Variants in ZNF536 observed in about 807,000 individuals in gnomAD.
ZNF536 encodes zinc finger protein 536.
In ZNF536, 13 loss-of-function variants were observed where a neutral mutation model predicts 84.5. That is an observed-to-expected ratio of 0.15 (90% confidence interval 0.10 to 0.24). The LOEUF (loss-of-function observed/expected upper bound fraction) is 0.24. Ranked by LOEUF, ZNF536 falls within the 10% of genes least tolerant of loss-of-function variation. ZNF536 has a pLI of 1.00. For synonymous variants in ZNF536, 811 were observed against 742.5 expected (o/e 1.09, Z -1.50); for missense variants, 1,536 against 1,747.5 (o/e 0.88, Z 2.16).
chr19:30,350,685 G>T (rs2047903976), intron 2 of ZNF536, among the ~76,000 whole-genome samples: 2 of 152,218 alleles, frequency 1.3e-5, no homozygotes, highest in Non-Finnish European at 2.9e-5. Context: ...GTGGCAGGAG[G>T]AGAGGGTGGA....
intron 1 of ZNF536, among the ~76,000 whole-genome samples, chr19:30,687,419 C>T (rs964415611): frequency 5.3e-5 from 8 of 152,128 alleles, no homozygotes; most frequent in African/African-American, 1.2e-4. Context: ...CTGCTGCCCA[C>T]GTCCGACACA....
intron 1 of ZNF536, among the ~76,000 whole-genome samples, chr19:30,280,296 T>C (rs915153435): frequency 9.9e-5 from 15 of 151,864 alleles, no homozygotes; most frequent in African/African-American, 3.6e-4. Context: ...GCATCCATCT[T>C]CATCCTTCTC....
chr19:30,313,985 C>T (rs2146134725), intron 2 of ZNF536, among the ~76,000 whole-genome samples: 1 of 152,362 alleles, frequency 6.6e-6, no homozygotes, highest in African/African-American at 2.4e-5. Context: ...TGCTGCCTCC[C>T]ATGGCAACTA....
chr19:30,426,325 G>A (rs1004080619), intron 1 of ZNF536, among the ~76,000 whole-genome samples: 2 of 152,104 alleles, frequency 1.3e-5, no homozygotes, highest in African/African-American at 4.8e-5. Flanking sequence ...TCATGGTGGG[G>A]GGATGTCATG....
rs866800290 is a variant in ZNF536, at chr19:30,228,734, G to A, written c.-190+61G>A. On this transcript the variant is annotated intron_variant, in intron 1 of 5. Coordinates refer to the ZNF536 transcript ENST00000585628. This position sits in a 1 kb window ranked among gnomAD's most constrained non-coding sequence, Gnocchi z 4.5. ...GTGAGCGCGCAAAGCCGGGAGCGAGGTGCCGCGAGCTGCGCGCCGCCCCGG... is the reference window on the plus strand; with the variant it reads ...GTGAGCGCGCAAAGCCGGGAGCGAGATGCCGCGAGCTGCGCGCCGCCCCGG... 2.0e-5 allele frequency: 3 copies of A among 151,182 alleles called. No homozygotes were observed. The highest frequency in any genetic ancestry group is 6.6e-5 in the Admixed American group (1 of 15,158). The allele number at this position is 151,182 out of a possible 1,614,324, so 9.4% of individuals were successfully genotyped here.
intron 1 of ZNF536, among the ~76,000 whole-genome samples, chr19:30,563,576 C>A (rs571258965): frequency 1.3e-5 from 2 of 152,188 alleles, no homozygotes; most frequent in African/African-American, 2.4e-5. Context: ...GTTCTTGAAG[C>A]CTTTGAGGTA....
chr19:30,338,326 A>G (rs2047451188), intron 2 of ZNF536, among the ~76,000 whole-genome samples: 1 of 151,438 alleles, frequency 6.6e-6, no homozygotes, highest in African/African-American at 2.4e-5. Context: ...GATGATGATG[A>G]TGACAATGTT....
rs1275721533 is a variant in ZNF536, at chr19:30,439,516, C to T, written c.-2-4045C>T. ...GAGACAGCACACCAATTACCCCATA[C>T]TCTTTCCAGGAACTCGTGCTTCCCT... On this transcript the variant is annotated intron_variant, in intron 1 of 4. Transcript: ENST00000355537. Among the ~76,000 whole-genome samples, 4 of 152,230 alleles carry T rather than the reference C, an allele frequency of 2.6e-5. No individual in the cohort carries two copies. In the East Asian group the frequency reaches 7.7e-4, roughly 29 times the overall value.
At chr19:30,312,491 C>T (rs2146111279) in intron 2 of ZNF536, among the ~76,000 whole-genome samples, 1 of 152,300 alleles carries the variant, frequency 6.6e-6, no homozygotes, top group Non-Finnish European at 1.5e-5. Context: ...TCCTTGCGAT[C>T]TTTTTTCTAG....
rs193208445 is a variant in ZNF536, at chr19:30,609,683, C to T, written c.169+60169C>T. 4.6e-5 allele frequency among the ~76,000 whole-genome samples: 7 copies of T among 152,280 alleles called. No individual in the cohort carries two copies. The East Asian group carries it at 7.7e-4, about 17-fold the overall frequency. ...TCAAATGTACACTATCAAACAACTC[C>T]GTGCTTCAAGACATTTGTTTATTCA... On this transcript the variant is annotated intron_variant, in intron 1 of 1. Transcript: ENST00000592773.
chr19:30,622,411 C>T (rs922339806), intron 1 of ZNF536, among the ~76,000 whole-genome samples: 2 of 152,208 alleles, frequency 1.3e-5, no homozygotes, highest in Admixed American at 6.5e-5. Context: ...ATCATGTCCC[C>T]CCAGGGGCAT....
At chr19:30,692,036 G>A (rs1052458494) in intron 1 of ZNF536, among the ~76,000 whole-genome samples, 4 of 152,258 alleles carry the variant, frequency 2.6e-5, no homozygotes, top group Non-Finnish European at 5.9e-5. Context: ...CCCCCTCTCG[G>A]ATCCCAGGCT....
intron 3 of ZNF536, among the ~76,000 whole-genome samples, chr19:30,360,744 A>G (rs2048247760): frequency 1.3e-5 from 2 of 152,226 alleles, no homozygotes; most frequent in Admixed American, 1.3e-4. Flanking sequence ...CCCGCCTTGC[A>G]CTGGGCATTT....
chr19:30,568,970 G>C (rs1435716616), intron 1 of ZNF536, among the ~76,000 whole-genome samples: 1 of 152,144 alleles, frequency 6.6e-6, no homozygotes, highest in Non-Finnish European at 1.5e-5. Flanking sequence ...CTAGAACCAG[G>C]ATGGTCTTGC....
rs28461659 is a variant in ZNF536, at chr19:30,622,939, C to T, written c.169+73425C>T. 7.6e-3 allele frequency among the ~76,000 whole-genome samples: 1,156 copies of T among 151,942 alleles called. 17 individuals are homozygous for T. Among genetic ancestry groups the T allele is most frequent in the African/African-American group, 0.026 (1,082 of 41,406 alleles). ...CCCATCTTGGACCCAGAACCCACTC[C>T]TCCTAGAGTTTTTTTTTTTCTTTTA... is the stretch of plus-strand genomic sequence containing the variant. On this transcript the variant is annotated intron_variant, in intron 1 of 1. Coordinates refer to the ZNF536 transcript ENST00000592773.
intron 1 of ZNF536, among the ~76,000 whole-genome samples, chr19:30,246,105 A>G (rs1440079011): frequency 6.6e-6 from 1 of 152,166 alleles, no homozygotes; most frequent in Non-Finnish European, 1.5e-5. Context: ...CTGATGAGTG[A>G]GGTGGAGTAA....
intron 2 of ZNF536, among the ~76,000 whole-genome samples, chr19:30,289,600 C>T (rs145014615): frequency 3.6e-3 from 552 of 152,324 alleles, no homozygotes; most frequent in South Asian, 0.023. Context: ...GGGTGCTTCT[C>T]TCTTTATTTC....
At chr19:30,343,273 CAG>C (rs996184599) in intron 2 of ZNF536, among the ~76,000 whole-genome samples, 21 of 152,182 alleles carry the variant, frequency 1.4e-4, no homozygotes, top group African/African-American at 4.6e-4. Flanking sequence ...CATTTTGTGC[CAG>C]AGACTCAACA....
At chr19:30,611,837 T>C (rs2048115448) in intron 1 of ZNF536, among the ~76,000 whole-genome samples, 1 of 152,236 alleles carries the variant, frequency 6.6e-6, no homozygotes, top group African/African-American at 2.4e-5. Context: ...GCTAGGTCCA[T>C]GGAACACTCG....
Sources: allele counts gnomAD v4.1 joint callset (sites outside exome capture counted in the v4.1 genomes callset), GRCh38; gene constraint gnomAD v4.1.1; non-coding constraint Gnocchi (gnomAD v3.1); transcripts MANE v1.5; gene names NCBI Gene and HGNC (gene_info 2026-07-23, HGNC 2026-07-21).